The following HSD17B4 variants were observed in gnomAD, a reference collection of about 807,000 sequenced individuals.
HSD17B4 encodes the protein hydroxysteroid 17-beta dehydrogenase 4, also known as peroxisomal multifunctional enzyme type 2.
A neutral mutation model predicts 101.0 loss-of-function variants in HSD17B4; 70 were observed. The ratio of observed to expected loss-of-function variants is 0.69; its 90% CI spans 0.57 to 0.85. The LOEUF (loss-of-function observed/expected upper bound fraction) is 0.85. HSD17B4 is among the 40% of genes least tolerant of loss of function. HSD17B4 has a pLI of 0.00. For missense variants in HSD17B4, 984 were observed against 892.4 expected (o/e 1.10, Z -1.31); for synonymous variants, 347 against 297.1 (o/e 1.17, Z -1.73).
At chr5:119,512,265 G>C (rs1752243895) in intron 16 of HSD17B4, among the ~76,000 whole-genome samples, 1 of 152,108 alleles carries the variant, frequency 6.6e-6, no homozygotes, top group Admixed American at 6.6e-5. Flanking sequence ...GGGTGTATCA[G>C]AGACAGAGAA....
chr5:119,509,404 T>TTCCTCCTCCTCTTCC lies in HSD17B4; in HGVS notation c.1437+169_1437+183dup, dbSNP rs1554066482. ...GGGACACCAAGACCAGTCCCTCTTC[T>TTCCTCCTCCTCTTCC]TCCTCCTCCTCTTCCTCCTCCTCAG... On this transcript the variant is annotated intron_variant, in intron 16 of 23. Transcript: ENST00000510025. 3.4e-4 allele frequency: 237 copies of TTCCTCCTCCTCTTCC among 702,840 alleles called. 1 individual carries two copies. In the African/African-American group the frequency reaches 4.0e-3, roughly 12 times the overall value. The allele number at this position is 702,840 out of a possible 1,614,324, so 43.5% of individuals were successfully genotyped here.
chr5:119,497,377 T>A (rs989934504), intron 12 of HSD17B4, among the ~76,000 whole-genome samples: 3 of 152,196 alleles, frequency 2.0e-5, no homozygotes, highest in Non-Finnish European at 4.4e-5. Flanking sequence ...TAAACTGATA[T>A]CTAGTCCAGA....
chr5:119,529,152 T>C (rs1340392975), intron 20 of HSD17B4, among the ~76,000 whole-genome samples: 2 of 152,204 alleles, frequency 1.3e-5, no homozygotes, highest in African/African-American at 4.8e-5. Flanking sequence ...ATCTTCTTGA[T>C]TGTTAAAAAT....
At chr5:119,461,562 T>C (rs1755238039) in intron 2 of HSD17B4, among the ~76,000 whole-genome samples, 1 of 152,176 alleles carries the variant, frequency 6.6e-6, no homozygotes, top group Non-Finnish European at 1.5e-5. Context: ...GAATACTTTT[T>C]ATCGGATCTA....
chr5:119,509,419 C>T (rs778264144), intron 16 of HSD17B4, 175 bp downstream of exon 16: 3 of 696,770 alleles, frequency 4.3e-6, no homozygotes, highest in Non-Finnish European at 7.9e-6. Context: ...CCTCCTCTTC[C>T]TCCTCCTCAG....
intron 1 of HSD17B4, 153 bp downstream of exon 1, chr5:119,452,786 G>A (rs1204278718): frequency 6.5e-7 from 1 of 1,549,624 alleles, no homozygotes. Context: ...ATCTCTTGAG[G>A]AGGAAAGAGC....
At chr5:119,495,239 A>G (rs1750522807) in intron 11 of HSD17B4, among the ~76,000 whole-genome samples, 1 of 152,180 alleles carries the variant, frequency 6.6e-6, no homozygotes, top group Non-Finnish European at 1.5e-5. Context: ...AAAGAAAAGT[A>G]TAGGAAAAAC....
intron 2 of HSD17B4, among the ~76,000 whole-genome samples, chr5:119,458,334 C>A (rs1385236818): frequency 6.6e-6 from 1 of 151,538 alleles, no homozygotes; most frequent in African/African-American, 2.4e-5. Context: ...CAAGTTGCAT[C>A]ACACACACTA....
Position 119,502,070 on chromosome 5 carries a change from A to G in HSD17B4, c.1239A>G (p.Leu413=), listed in dbSNP as rs2126790204. The G allele has an allele frequency of 2.5e-6, 4 of 1,604,034 alleles. No individual in the cohort carries two copies. The South Asian group carries it at 3.3e-5, about 13-fold the overall frequency. ...TTCATGGAGAGCAGTACTTAGAGTT[A>G]TATAAACCACTTCCCAGAGCAGGTG... ...KVLHGEQYLE[L]YKPLPRAGKL... The change falls in exon 14 of 24, where the codon TTA becomes TTG. Residue 413 remains leucine (L), a synonymous_variant. Coordinates refer to ENST00000510025, the MANE Select transcript of HSD17B4 (RefSeq NM_000414.4).
intron 10 of HSD17B4, chr5:119,492,603 C>A (rs1750212609): frequency 6.4e-6 from 1 of 156,718 alleles, no homozygotes; most frequent in African/African-American, 2.4e-5. Context: ...AGTGAGGAAT[C>A]ACATTGGACA....
chr5:119,505,550 T>G (rs1751566486), intron 14 of HSD17B4, among the ~76,000 whole-genome samples: 1 of 152,212 alleles, frequency 6.6e-6, no homozygotes, highest in African/African-American at 2.4e-5. Flanking sequence ...GCTTGAATAT[T>G]GTTGGTGTAT....
At chr5:119,497,626 G>A (rs1166710227) in intron 12 of HSD17B4, among the ~76,000 whole-genome samples, 1 of 152,090 alleles carries the variant, frequency 6.6e-6, no homozygotes, top group Non-Finnish European at 1.5e-5. Flanking sequence ...AAACCTCTAT[G>A]TTGAAAGTGA....
intron 2 of HSD17B4, among the ~76,000 whole-genome samples, chr5:119,471,363 C>G (rs1326264971): frequency 6.6e-6 from 1 of 152,030 alleles, no homozygotes; most frequent in Non-Finnish European, 1.5e-5. Flanking sequence ...AAAAAAATCT[C>G]AGTCCACATT....
chr5:119,480,533 A>T (rs1443950122), intron 8 of HSD17B4, among the ~76,000 whole-genome samples: 2 of 152,190 alleles, frequency 1.3e-5, no homozygotes, highest in Non-Finnish European at 2.9e-5. Context: ...CAAGTACTTA[A>T]CAGGGTAATA....
intron 17 of HSD17B4, among the ~76,000 whole-genome samples, chr5:119,523,400 C>T (rs1010732143): frequency 1.3e-5 from 2 of 151,868 alleles, no homozygotes; most frequent in African/African-American, 2.4e-5. Context: ...TTTAGCTTTC[C>T]TTCTGAAATA....
chr5:119,516,572 ATTTGGCAGAGG>A (rs1252267959), intron 17 of HSD17B4, among the ~76,000 whole-genome samples: 1 of 152,182 alleles, frequency 6.6e-6, no homozygotes, highest in African/African-American at 2.4e-5. Flanking sequence ...GGCACTCATC[ATTTGGCAGAGG>A]TTCTTGGCCA....
intron 17 of HSD17B4, among the ~76,000 whole-genome samples, chr5:119,523,473 G>T (rs1476942531): frequency 6.6e-6 from 1 of 152,070 alleles, no homozygotes; most frequent in Non-Finnish European, 1.5e-5. Flanking sequence ...ATTGAACAAT[G>T]CTTATTTTGT....
At chr5:119,494,321 TTTC>T (rs756356337) in intron 11 of HSD17B4, among the ~76,000 whole-genome samples, 3 of 146,656 alleles carry the variant, frequency 2.0e-5, no homozygotes, top group East Asian at 4.0e-4. Context: ...CCTTTCTTTC[TTTC>T]TTTTCTTTCT....
chr5:119,525,196 T>G lies in HSD17B4; in HGVS notation c.1504-20T>G, dbSNP rs200131639. 1.3e-6 allele frequency: 2 copies of G among 1,577,016 alleles called. No homozygotes were observed. The highest frequency in any genetic ancestry group is 3.3e-5 in the Admixed American group (2 of 59,792). On this transcript the variant is annotated intron_variant, in intron 17 of 23. Transcript: ENST00000510025. ...CTAACAAAACACTGAGTTCTAGTTA[T>G]GTTTATGCTTTCTCCACAGGCTGCT...
Sources: allele counts gnomAD v4.1 joint callset (sites outside exome capture counted in the v4.1 genomes callset), GRCh38; gene constraint gnomAD v4.1.1; transcripts MANE v1.5; gene names NCBI Gene and HGNC (gene_info 2026-07-23, HGNC 2026-07-21).